CCDC171: variants seen among roughly 807,000 people sequenced by gnomAD.
CCDC171 encodes the protein coiled-coil domain-containing protein 171.
A neutral mutation model predicts 168.2 loss-of-function variants in CCDC171; 177 were observed. The ratio of observed to expected loss-of-function variants is 1.05; its 90% CI spans 0.93 to 1.19. The LOEUF (loss-of-function observed/expected upper bound fraction) is 1.19, where lower values mean the gene tolerates loss of function less well. Among genes scored for constraint, CCDC171 ranks in the 50% most tolerant of loss-of-function variants. The probability of loss-of-function intolerance (pLI) is 0.00; values close to 1 mark genes in which losing one functional copy is unlikely to be tolerated. For missense variants in CCDC171, 1,991 were observed against 1,539.0 expected, an observed-to-expected ratio of 1.29 and a Z score of -4.91; for synonymous variants, 687 against 540.8, an observed-to-expected ratio of 1.27 and a Z score of -3.75.
At chr9:16,098,148 T>C in the CCDC171 span, among the ~76,000 whole-genome samples, 1 of 151,420 alleles carries the variant, frequency 6.6e-6, no homozygotes, top group Non-Finnish European at 1.5e-5. Context: ...AGTTCGGCTA[T>C]CTTTTAGCTG....
At chr9:15,975,434 G>C (rs528254878), downstream of CCDC171, among the ~76,000 whole-genome samples, 1 of 152,148 alleles carries the variant, frequency 6.6e-6, no homozygotes, top group Non-Finnish European at 1.5e-5. Flanking sequence ...GTATGTTTTG[G>C]TTTGAAATCT....
chr9:15,918,893 C>G (rs1425750154), intron 24 of CCDC171, among the ~76,000 whole-genome samples: 12 of 151,544 alleles, frequency 7.9e-5, no homozygotes, highest in Admixed American at 4.6e-4. Flanking sequence ...TGGTTTTTAT[C>G]TTTTCTAATT....
At chr9:15,703,546 A>G (rs888284015) in intron 11 of CCDC171, among the ~76,000 whole-genome samples, 3 of 152,194 alleles carry the variant, frequency 2.0e-5, no homozygotes, top group Non-Finnish European at 2.9e-5. Flanking sequence ...TTCACTTAAC[A>G]TAATGTCCTC....
chr9:16,048,059 T>G (rs1833688595), intron 1 of CCDC171, among the ~76,000 whole-genome samples: 1 of 152,084 alleles, frequency 6.6e-6, no homozygotes, highest in African/African-American at 2.4e-5. Context: ...TGGCCCTCAG[T>G]GGAAATGCAC....
chr9:15,942,200 G>C (rs1827809343), intron 25 of CCDC171, among the ~76,000 whole-genome samples: 1 of 151,872 alleles, frequency 6.6e-6, no homozygotes, highest in African/African-American at 2.4e-5. Flanking sequence ...TCTATTCCTA[G>C]ATGTCACTAC....
At chr9:16,069,339 T>C in the CCDC171 span, among the ~76,000 whole-genome samples, 1 of 152,196 alleles carries the variant, frequency 6.6e-6, no homozygotes, top group Non-Finnish European at 1.5e-5. Context: ...GAGTGAAAAA[T>C]GATCATTTCA....
rs1563798839 is a variant in CCDC171, at chr9:15,817,641, T to TG, written c.3268-29056dup. ...TCAAACTGCGAGGTGGCAGGGAGGC[T>TG]GGGGGAGGGGCGCCTGCCATTGCTG... On this transcript the variant is annotated intron_variant, in intron 21 of 25. Transcript: ENST00000380701. Among the ~76,000 whole-genome samples, 2 of 118,020 alleles carry TG rather than the reference T, an allele frequency of 1.7e-5. 1 individual carries two copies. The highest frequency in any genetic ancestry group is 3.8e-5 in the Non-Finnish European group (2 of 52,316). 77.4% of individuals were successfully genotyped at this position (118,020 alleles called of 152,430 possible).
intron 4 of CCDC171, among the ~76,000 whole-genome samples, chr9:15,584,768 C>A (rs1034594954): frequency 6.6e-6 from 1 of 152,152 alleles, no homozygotes; most frequent in Non-Finnish European, 1.5e-5. Flanking sequence ...GTATTGTGTT[C>A]TGAGCCCCAG....
intron 6 of CCDC171, among the ~76,000 whole-genome samples, chr9:16,031,901 C>A (rs1473173572): frequency 1.3e-5 from 2 of 152,204 alleles, no homozygotes; most frequent in African/African-American, 2.4e-5. Context: ...GTACAGGCAG[C>A]CCCCAGAGCA....
chr9:15,673,050 C>A (rs1417430197), intron 9 of CCDC171, among the ~76,000 whole-genome samples: 1 of 152,122 alleles, frequency 6.6e-6, no homozygotes, highest in Non-Finnish European at 1.5e-5. Context: ...GTTTGTAGTT[C>A]TCCTTGAAGA....
intron 7 of CCDC171, among the ~76,000 whole-genome samples, chr9:15,646,553 G>T (rs1292522628): frequency 6.6e-6 from 1 of 152,122 alleles, no homozygotes; most frequent in Non-Finnish European, 1.5e-5. Flanking sequence ...AGGGATGGAG[G>T]AAGATCTACC....
Position 15,729,734 on chromosome 9 carries a change from G to T in CCDC171, c.1985G>T (p.Arg662Ile). Residue 662 changes from arginine (R) to isoleucine (I), a missense_variant, in exon 16 of 26, where the codon AGA (arginine) becomes ATA (isoleucine). Coordinates refer to ENST00000380701, the MANE Select transcript of CCDC171 (RefSeq NM_173550.4). ...AAAGCCCAAGAGAGCTGCTGGCACA[G>T]ACAAAAGAAGGAACTAGAGCTGCAG... is the stretch of plus-strand genomic sequence containing the variant. ...QIKAQESCWH[R>I]QKKELELQYS... is the part of the protein sequence containing the mutation. The T allele has an allele frequency of 6.2e-7, 1 of 1,613,420 alleles. No individual in the cohort carries two copies. The highest frequency in any genetic ancestry group is 8.5e-7 in the Non-Finnish European group (1 of 1,179,514).
At chr9:15,832,935 A>C (rs1029005108) in intron 21 of CCDC171, among the ~76,000 whole-genome samples, 1 of 151,666 alleles carries the variant, frequency 6.6e-6, no homozygotes, top group African/African-American at 2.4e-5. Context: ...GGTCAGGATC[A>C]TCAAGATATT....
intron 25 of CCDC171, among the ~76,000 whole-genome samples, chr9:15,938,435 A>C (rs1025235652): frequency 1.3e-5 from 2 of 151,938 alleles, no homozygotes; most frequent in Admixed American, 1.3e-4. Context: ...TACGAAAAAA[A>C]ATCCTAATTT....
chr9:16,057,572 G>A (rs926989572), intron 1 of CCDC171, among the ~76,000 whole-genome samples: 6 of 152,136 alleles, frequency 3.9e-5, no homozygotes, highest in African/African-American at 1.4e-4. Context: ...TATCTGGTAG[G>A]ATCTGCACCT....
intron 7 of CCDC171, among the ~76,000 whole-genome samples, chr9:15,625,154 G>C (rs1175291257): frequency 6.6e-6 from 1 of 152,116 alleles, no homozygotes; most frequent in Non-Finnish European, 1.5e-5. Flanking sequence ...CCCACTTTTT[G>C]ATGGGGTTGT....
At chr9:16,065,102 CG>C (rs1270463412), downstream of CCDC171, among the ~76,000 whole-genome samples, 1 of 152,166 alleles carries the variant, frequency 6.6e-6, no homozygotes, top group Non-Finnish European at 1.5e-5. Context: ...CTTGTAAAAT[CG>C]GGTCCCAGGT....
chr9:15,621,795 A>G (rs2044529215), intron 6 of CCDC171, among the ~76,000 whole-genome samples: 1 of 152,222 alleles, frequency 6.6e-6, no homozygotes, highest in African/African-American at 2.4e-5. Flanking sequence ...ACTCAAAGGA[A>G]TAGAAATTGT....
At chr9:15,811,090 C>T (rs1436497066) in intron 21 of CCDC171, among the ~76,000 whole-genome samples, 7 of 152,194 alleles carry the variant, frequency 4.6e-5, no homozygotes, top group Non-Finnish European at 8.8e-5. Flanking sequence ...ACAGGTGTCA[C>T]GTGAAGTATC....
Sources: gnomAD v4.1 joint callset for allele counts (sites outside exome capture counted in the v4.1 genomes callset) on GRCh38, gnomAD v4.1.1 for gene constraint, MANE v1.5 for transcripts, NCBI Gene and HGNC (gene_info 2026-07-23, HGNC 2026-07-21) for gene names.